The following PCDH15 variants were observed in gnomAD, a reference collection of about 807,000 sequenced individuals.
PCDH15 encodes protocadherin-15.
Under a neutral mutation model 178.5 loss-of-function variants are expected in PCDH15, and 129 were observed. The ratio of observed to expected loss-of-function variants is 0.72; its 90% CI spans 0.63 to 0.84. The LOEUF is 0.84. PCDH15 is among the 40% of genes least tolerant of loss of function. The probability of loss-of-function intolerance (pLI) is 0.00; values close to 1 mark genes in which losing one functional copy is unlikely to be tolerated. For synonymous variants in PCDH15, 800 were observed against 732.0 expected (o/e 1.09, Z -1.50); for missense variants, 2,230 against 2,099.9 (o/e 1.06, Z -1.21).
chr10:55,347,518 T>C (rs997427913), intron 2 of PCDH15, among the ~76,000 whole-genome samples: 17 of 152,220 alleles, frequency 1.1e-4, no homozygotes, highest in African/African-American at 2.9e-4. Flanking sequence ...CATTGTATAT[T>C]TAATTCTTTT....
chr10:55,094,097 G>A (rs1182817938), intron 2 of PCDH15, among the ~76,000 whole-genome samples: 1 of 152,122 alleles, frequency 6.6e-6, no homozygotes, highest in Non-Finnish European at 1.5e-5. Flanking sequence ...GCACATGTAT[G>A]TTTATTGTGG....
chr10:54,991,716 G>C lies in PCDH15; in HGVS notation c.-79-94216C>G, dbSNP rs1408160433. ...TCTTAGGGATAAATGGCAAAAGTTA[G>C]ATCAGCTAGGTGAGGAGATATTTAA... On this transcript the variant is annotated intron_variant, in intron 2 of 5. Coordinates refer to the PCDH15 transcript ENST00000458638. Among the ~76,000 whole-genome samples the C allele has an allele frequency of 3.9e-5, 6 of 152,142 alleles. No homozygotes were observed. In the South Asian group the frequency reaches 1.2e-3, roughly 31 times the overall value.
intron 2 of PCDH15, among the ~76,000 whole-genome samples, chr10:55,413,526 A>T (rs1838398399): frequency 6.6e-6 from 1 of 151,736 alleles, no homozygotes; most frequent in Non-Finnish European, 1.5e-5. Flanking sequence ...AAGGGGACTT[A>T]TACTAGTAAA....
At chr10:55,115,063 ATAAAT>A (rs1837597480) in intron 2 of PCDH15, among the ~76,000 whole-genome samples, 1 of 152,242 alleles carries the variant, frequency 6.6e-6, no homozygotes, top group African/African-American at 2.4e-5. Flanking sequence ...GCTTTGAAAA[ATAAAT>A]TAATTTTTAT....
chr10:54,472,148 A>C (rs2077960937), intron 3 of PCDH15, among the ~76,000 whole-genome samples: 1 of 152,272 alleles, frequency 6.6e-6, no homozygotes, highest in East Asian at 1.9e-4. Context: ...CTTTTTGAAA[A>C]CAAATCTTAA....
rs571786026 is a variant in PCDH15, at chr10:54,819,630, T to C, written c.-29+77820A>G. Among the ~76,000 whole-genome samples the C allele has an allele frequency of 1.3e-3, 197 of 152,132 alleles. 1 individual carries two copies. The highest frequency in any genetic ancestry group is 1.8e-3 in the Non-Finnish European group (119 of 67,958). On this transcript the variant is annotated intron_variant, in intron 3 of 5. Coordinates refer to the PCDH15 transcript ENST00000458638. ...TATTATTTTCACGAATGTTTCTCTG[T>C]AATTTTTACTGTTAGTGTGGCATTC...
chr10:53,901,399 C>T (rs532431504), intron 26 of PCDH15, among the ~76,000 whole-genome samples: 6 of 152,162 alleles, frequency 3.9e-5, no homozygotes, highest in South Asian at 4.2e-4. Context: ...TATGATTCAT[C>T]GGCAAATCCT....
intron 8 of PCDH15, among the ~76,000 whole-genome samples, chr10:54,257,403 C>CTTTTTTTTTT (rs71461225): frequency 2.4e-5 from 3 of 126,024 alleles, no homozygotes; most frequent in Non-Finnish European, 4.9e-5. Flanking sequence ...GAATTGTCTT[C>CTTTTTTTTTT]TTTTTTTTTT....
At chr10:53,989,782 T>G (rs1232635448) in intron 21 of PCDH15, among the ~76,000 whole-genome samples, 1 of 152,136 alleles carries the variant, frequency 6.6e-6, no homozygotes, top group Non-Finnish European at 1.5e-5. Flanking sequence ...TCTGCTACAT[T>G]GTTAGCAATA....
intron 35 of PCDH15, among the ~76,000 whole-genome samples, chr10:53,813,083 T>C (rs1035798436): frequency 6.6e-6 from 1 of 152,284 alleles, no homozygotes; most frequent in Non-Finnish European, 1.5e-5. Flanking sequence ...TGTTGGTTTC[T>C]CTTGAAAAAT....
At chr10:54,962,918 C>T (rs1838692638) in intron 2 of PCDH15, among the ~76,000 whole-genome samples, 1 of 152,180 alleles carries the variant, frequency 6.6e-6, no homozygotes, top group African/African-American at 2.4e-5. Context: ...AGTGAAGCAA[C>T]ACCTGAAGGA....
intron 2 of PCDH15, among the ~76,000 whole-genome samples, chr10:55,344,104 CCT>C (rs769970970): frequency 1.6e-4 from 25 of 151,824 alleles, no homozygotes; most frequent in Non-Finnish European, 3.1e-4. Flanking sequence ...GGCAGAAAAG[CCT>C]TACAGGAAGA....
chr10:55,596,773 A>G (rs1047337250), intron 2 of PCDH15, among the ~76,000 whole-genome samples: 2 of 152,174 alleles, frequency 1.3e-5, no homozygotes. Flanking sequence ...ATCTGATGCC[A>G]TTATGTCAAA....
At chr10:55,389,961 A>G (rs1837753490) in intron 2 of PCDH15, among the ~76,000 whole-genome samples, 1 of 152,158 alleles carries the variant, frequency 6.6e-6, no homozygotes, top group Non-Finnish European at 1.5e-5. Flanking sequence ...GATTTTTAAG[A>G]ATATTTTTAG....
chr10:54,239,621 T>C (rs894723687), intron 8 of PCDH15, among the ~76,000 whole-genome samples: 2 of 152,002 alleles, frequency 1.3e-5, no homozygotes, highest in African/African-American at 4.8e-5. Flanking sequence ...CCGTACTATT[T>C]GTTTTAACAT....
At chr10:54,145,983 T>C (rs1023119791) in intron 14 of PCDH15, among the ~76,000 whole-genome samples, 5 of 152,092 alleles carry the variant, frequency 3.3e-5, no homozygotes, top group African/African-American at 1.2e-4. Context: ...ATTTATCTAC[T>C]GCTATCTGTC....
intron 2 of PCDH15, among the ~76,000 whole-genome samples, chr10:55,454,536 G>A (rs1288614573): frequency 6.6e-6 from 1 of 151,742 alleles, no homozygotes; most frequent in South Asian, 2.1e-4. Flanking sequence ...TCAGCACTTT[G>A]GGAGGCTGAG....
At chr10:54,696,646 C>T (rs911902409) in intron 1 of PCDH15, among the ~76,000 whole-genome samples, 1 of 151,594 alleles carries the variant, frequency 6.6e-6, no homozygotes, top group Non-Finnish European at 1.5e-5. Context: ...CTTCCCATTT[C>T]TGATCAAAAA....
intron 3 of PCDH15, among the ~76,000 whole-genome samples, chr10:54,488,600 A>G (rs949395107): frequency 1.3e-5 from 2 of 151,980 alleles, no homozygotes; most frequent in Non-Finnish European, 2.9e-5. Flanking sequence ...TTTAAAATAT[A>G]CTAGAATCAG....
Sources: allele counts gnomAD v4.1 joint callset (sites outside exome capture counted in the v4.1 genomes callset), GRCh38; gene constraint gnomAD v4.1.1; transcripts MANE v1.5; gene names NCBI Gene and HGNC (gene_info 2026-07-23, HGNC 2026-07-21).